The following NPHP4 variants were observed in gnomAD, a reference collection of about 807,000 sequenced individuals.
NPHP4 encodes nephrocystin 4, also known as nephrocystin-4.
A neutral mutation model predicts 155.8 loss-of-function variants in NPHP4; 151 were observed. That is an observed-to-expected ratio of 0.97 (90% CI 0.85 to 1.11). NPHP4 has a LOEUF of 1.11. Ranked by LOEUF, NPHP4 falls within the 50% of genes least tolerant of loss-of-function variation. The pLI, the probability that NPHP4 is intolerant of heterozygous loss-of-function variation, is 0.00. For synonymous variants in NPHP4, 845 were observed against 816.8 expected (o/e 1.03, Z -0.59); for missense variants, 1,956 against 1,925.7 (o/e 1.02, Z -0.29).
rs779950626 is a variant in NPHP4 at position 5,874,994 on chromosome 1, A to G, written c.2924T>C (p.Ile975Thr). Reference protein sequence around the residue: ...ESIASLLSLAITTEHTLHATL... With the variant: ...ESIASLLSLATTTEHTLHATL... ...GGCGTGGAGCGTGTGCTCCGTGGTG[A>G]TGGCCAGGCTCAGCAGGCTGGCGAT... The change falls in exon 21 of 30, where the codon ATC becomes ACC. Residue 975 changes from isoleucine (I) to threonine (T), a missense_variant. By Grantham distance (89) the Ile-to-Thr change is moderately conservative (BLOSUM62 -1). Coordinates refer to ENST00000378156, the MANE Select transcript of NPHP4 (RefSeq NM_015102.5). 1.1e-5 allele frequency: 18 copies of G among 1,612,396 alleles called. No individual in the cohort carries two copies. Among genetic ancestry groups the G allele is most frequent in the Non-Finnish European group, 1.7e-6 (2 of 1,179,880 alleles).
Position 5,910,651 on chromosome 1 carries a change from C to T in NPHP4, c.1442-1438G>A, listed in dbSNP as rs1557714344. 6.6e-6 allele frequency among the ~76,000 whole-genome samples: 1 copy of T among 152,220 alleles called. No homozygotes were observed. The highest frequency in any genetic ancestry group is 1.5e-5 in the Non-Finnish European group (1 of 68,034). On this transcript the variant is annotated intron_variant, in intron 11 of 29. Transcript: ENST00000378156. This position sits in a 1 kb window ranked among gnomAD's most constrained non-coding sequence, Gnocchi z 5.4. ...CTGGATAGAGACTGCTCAGCCACTT[C>T]GTGTTCCGCTCTGAATCCCAAAAAA...
chr1:5,968,056 C>T (rs577711780), intron 4 of NPHP4, among the ~76,000 whole-genome samples: 1 of 152,016 alleles, frequency 6.6e-6, no homozygotes, highest in Non-Finnish European at 1.5e-5. Flanking sequence ...ACACCTACTG[C>T]CTGCCAGGCA....
Position 5,910,615 on chromosome 1 carries a change from C to T in NPHP4, c.1442-1402G>A, listed in dbSNP as rs759235900. Among the ~76,000 whole-genome samples, 2 of 152,192 alleles carry T rather than the reference C, an allele frequency of 1.3e-5. No homozygotes were observed. Among genetic ancestry groups the T allele is most frequent in the East Asian group, 1.9e-4 (1 of 5,200 alleles). ...CAGCACAGAGGCCTGTGACGTCAAACGCTGGGCACTCTGGATAGAGACTGC... is the reference window on the plus strand; with the variant it reads ...CAGCACAGAGGCCTGTGACGTCAAATGCTGGGCACTCTGGATAGAGACTGC... On this transcript the variant is annotated intron_variant, in intron 11 of 29. Transcript: ENST00000378156. The surrounding 1 kb of genome is among the most constrained non-coding windows in gnomAD (Gnocchi z 5.4).
At chr1:5,896,194 G>A (rs1644388034) in intron 16 of NPHP4, among the ~76,000 whole-genome samples, 1 of 152,206 alleles carries the variant, frequency 6.6e-6, no homozygotes, top group South Asian at 2.1e-4. Flanking sequence ...GCAGGGGGAG[G>A]AGCCCACAGG....
chr1:5,893,315 C>G (rs1333053750), intron 16 of NPHP4, among the ~76,000 whole-genome samples: 1 of 151,906 alleles, frequency 6.6e-6, no homozygotes, highest in African/African-American at 2.4e-5. Context: ...GTAGTGGCCC[C>G]GAATGTCTGG....
chr1:5,967,418 G>T, intron 4 of NPHP4, 55 bp from the exon 5 acceptor site: 1 of 1,400,064 alleles, frequency 7.1e-7, no homozygotes. Flanking sequence ...TTCTCAGAAG[G>T]AAAGCACATG....
intron 7 of NPHP4, among the ~76,000 whole-genome samples, chr1:5,952,235 G>A (rs1039729194): frequency 4.6e-5 from 7 of 152,222 alleles, no homozygotes; most frequent in East Asian, 1.9e-4. Context: ...AGCCACCTCC[G>A]GAAACGAGCC....
chr1:5,936,775 G>A (rs780266449), intron 9 of NPHP4, among the ~76,000 whole-genome samples: 21 of 152,264 alleles, frequency 1.4e-4, no homozygotes, highest in East Asian at 9.7e-4. Context: ...TCCCTGTGGC[G>A]GGCTCAATGT....
In NPHP4 at chr1:5,874,526, G is replaced by A. The variant is rs756392698; in HGVS notation, c.3176C>T (p.Ala1059Val). 1 of 1,590,424 alleles carries A rather than the reference G, an allele frequency of 6.3e-7. No individual in the cohort carries two copies. The highest frequency in any genetic ancestry group is 2.3e-5 in the East Asian group (1 of 43,674). ...PQLYLRPHET[A>V]HVPFKFQSFS... ...GCTCTGGAACTTGAAGGGGACGTGG[G>A]CGGTCTCGTGGGGGCGCAGGTAGAG... The change falls in exon 22 of 30, where the codon GCC becomes GTC. Residue 1059 changes from alanine to valine, a missense_variant. Ala to Val is a moderately conservative substitution (Grantham distance 64, BLOSUM62 0). Transcript: ENST00000378156.
At chr1:5,899,205 C>T (rs1259162722) in intron 16 of NPHP4, among the ~76,000 whole-genome samples, 2 of 152,148 alleles carry the variant, frequency 1.3e-5, no homozygotes, top group Middle Eastern at 3.2e-3. Flanking sequence ...AACGGCCGTG[C>T]GCACCAAAAG....
At chr1:5,909,263 G>A in intron 11 of NPHP4, 50 bp from the exon 12 acceptor site, 2 of 1,448,892 alleles carry the variant, frequency 1.4e-6, no homozygotes, top group Non-Finnish European at 1.9e-6. Flanking sequence ...AGCCTGTGTT[G>A]GGGGCAGTGG....
At chr1:5,903,081 A>T (rs938673319) in intron 16 of NPHP4, among the ~76,000 whole-genome samples, 1 of 152,230 alleles carries the variant, frequency 6.6e-6, no homozygotes, top group African/African-American at 2.4e-5. Context: ...CATATTCTCT[A>T]AACGGGATGT....
rs200800785 is a variant in NPHP4, at chr1:5,905,761, C to T, written c.1634G>A (p.Gly545Asp). The T allele has an allele frequency of 8.1e-5, 131 of 1,610,606 alleles. 1 individual carries two copies. Among genetic ancestry groups the T allele is most frequent in the South Asian group, 7.3e-4 (66 of 90,362 alleles). Residue 545 changes from glycine to aspartate, a missense_variant, in exon 14 of 30, where the codon GGT (glycine) becomes GAT (aspartate). Physicochemically the swap from Gly to Asp is moderately conservative, Grantham distance 94 (BLOSUM62 -1). Transcript: ENST00000378156. This position sits in a 1 kb window ranked among gnomAD's most constrained non-coding sequence, Gnocchi z 4.0. ...CAGGTCGGCTTCCAGGTGGGAGATA[C>T]CGGCCTCCAACGGGAACTCCTGCTG... ...AQAQEFPLEA[G>D]ISHLEADLSQ...
At chr1:5,978,028 G>A (rs191565141) in intron 3 of NPHP4, among the ~76,000 whole-genome samples, 68 of 151,228 alleles carry the variant, frequency 4.5e-4, no homozygotes, top group African/African-American at 7.5e-4. Flanking sequence ...CCATTCCCCT[G>A]ACCCTTCAAC....
chr1:5,876,999 A>C, intron 20 of NPHP4, 94 bp downstream of exon 20: 3 of 866,686 alleles, frequency 3.5e-6, no homozygotes, highest in Non-Finnish European at 4.7e-6. Flanking sequence ...GGAGGAAGGT[A>C]AGAGAGAATC....
At chr1:5,883,069 C>T (rs2100780921) in intron 18 of NPHP4, among the ~76,000 whole-genome samples, 1 of 152,250 alleles carries the variant, frequency 6.6e-6, no homozygotes, top group African/African-American at 2.4e-5. Context: ...TCACTCTCTC[C>T]ACCACGGCGC....
chr1:5,902,840 T>A (rs894274826), intron 16 of NPHP4, among the ~76,000 whole-genome samples: 1 of 152,234 alleles, frequency 6.6e-6, no homozygotes, highest in African/African-American at 2.4e-5. Flanking sequence ...CATTGACTCA[T>A]GGAATAATTA....
chr1:5,905,054 G>A lies in NPHP4; in HGVS notation c.1955+238C>T, dbSNP rs1000933547. On this transcript the variant is annotated intron_variant, in intron 15 of 29. Coordinates refer to ENST00000378156, the MANE Select transcript of NPHP4 (RefSeq NM_015102.5). This position sits in a 1 kb window ranked among gnomAD's most constrained non-coding sequence, Gnocchi z 4.0. ...GGAGCTACACTAAGATCTAAGACCT[G>A]GACAACCCACCGTCCACATTTTAAT... Among the ~76,000 whole-genome samples the A allele has an allele frequency of 1.5e-4, 23 of 152,112 alleles. No homozygotes were observed. Among genetic ancestry groups the A allele is most frequent in the African/African-American group, 4.8e-4 (20 of 41,392 alleles).
chr1:5,956,071 G>GCAGGGAGGGA (rs60399331), intron 6 of NPHP4, among the ~76,000 whole-genome samples: 1 of 126,630 alleles, frequency 7.9e-6, no homozygotes, highest in Non-Finnish European at 1.7e-5. Flanking sequence ...GGGGGGGGGG[G>GCAGGGAGGGA]TGCAGGGAGG....
Sources: gnomAD v4.1 joint callset for allele counts (sites outside exome capture counted in the v4.1 genomes callset) on GRCh38, gnomAD v4.1.1 for gene constraint, Gnocchi (gnomAD v3.1) non-coding constraint, MANE v1.5 for transcripts, NCBI Gene and HGNC (gene_info 2026-07-23, HGNC 2026-07-21) for gene names.